AP3B2: variants seen among roughly 807,000 people sequenced by gnomAD.
AP3B2 encodes the protein adaptor related protein complex 3 subunit beta 2.
AP3B2 carries 50 observed loss-of-function variants against 126.9 expected under a neutral mutation model. The ratio of observed to expected loss-of-function variants is 0.39; its 90% CI spans 0.31 to 0.50. The LOEUF is 0.50. Among genes scored for constraint, AP3B2 ranks in the 20% least tolerant of loss-of-function variants. The pLI, the probability that AP3B2 is intolerant of heterozygous loss-of-function variation, is 0.79. For missense variants in AP3B2, 1,177 were observed against 1,426.4 expected, an observed-to-expected ratio of 0.83 and a Z score of 2.82; for synonymous variants, 541 against 565.0, an observed-to-expected ratio of 0.96 and a Z score of 0.60.
chr15:82,681,452 T>G lies in AP3B2; in HGVS notation c.489A>C (p.Lys163Asn), dbSNP rs1271617076. ...GTTTAGGGATGGCGTGGGCAGCTGTTTTCCGCACATAGGGTGACATGTCCG... is the reference window on the plus strand; with the variant it reads ...GTTTAGGGATGGCGTGGGCAGCTGTGTTCCGCACATAGGGTGACATGTCCG... Reference protein sequence around the residue: ...AASDMSPYVRKTAAHAIPKLY... With the variant: ...AASDMSPYVRNTAAHAIPKLY... The change falls in exon 5 of 27, where the codon AAA (lysine) becomes AAC (asparagine). Residue 163 changes from lysine (K) to asparagine (N), a missense_variant. Lys to Asn is a moderately conservative substitution (Grantham distance 94, BLOSUM62 0). Transcript: ENST00000535359. This position sits in a 1 kb window ranked among gnomAD's most constrained non-coding sequence, Gnocchi z 4.0. 1.2e-6 allele frequency: 2 copies of G among 1,613,772 alleles called. No individual in the cohort carries two copies.
At chr15:82,699,233 C>A (rs957618934) in intron 1 of AP3B2, 9 of 157,652 alleles carry the variant, frequency 5.7e-5, no homozygotes, top group Non-Finnish European at 9.7e-5. Flanking sequence ...ATATACACCT[C>A]GCTGTCACCT....
At chr15:82,689,102 T>G in intron 3 of AP3B2, 56 bp downstream of exon 3, 14 of 1,585,176 alleles carry the variant, frequency 8.8e-6, no homozygotes, top group East Asian at 2.2e-5. Context: ...ACCCCAAGCT[T>G]GAGTGTGGTC....
chr15:82,697,941 G>C (rs924928343), intron 1 of AP3B2: 6 of 152,504 alleles, frequency 3.9e-5, no homozygotes, highest in Non-Finnish European at 8.8e-5. Flanking sequence ...CATAGGTACA[G>C]ACCATTGAGC....
intron 1 of AP3B2, among the ~76,000 whole-genome samples, chr15:82,706,665 C>A (rs951777890): frequency 6.6e-6 from 1 of 152,182 alleles, no homozygotes; most frequent in South Asian, 2.1e-4. Flanking sequence ...TCTTCCCACA[C>A]AAGGCAAATG....
rs1466301551 is a variant in AP3B2 at position 82,680,138 on chromosome 15, C to A, written c.1110+37G>T. On this transcript the variant is annotated intron_variant, in intron 9 of 26. Coordinates refer to ENST00000535359, the MANE Select transcript of AP3B2 (RefSeq NM_001278512.2). This position sits in a 1 kb window ranked among gnomAD's most constrained non-coding sequence, Gnocchi z 6.1. ...GCCTCCAGTGCCCGCAGAAGCGGCCCTCGGACAGCGAGGACAGCCCGCCGT... is the reference window on the plus strand; with the variant it reads ...GCCTCCAGTGCCCGCAGAAGCGGCCATCGGACAGCGAGGACAGCCCGCCGT... 8 of 1,611,852 alleles carry A rather than the reference C, an allele frequency of 5.0e-6. No homozygotes were observed. The highest frequency in any genetic ancestry group is 1.3e-5 in the African/African-American group (1 of 74,922).
chr15:82,684,692 T>A (rs570252429), intron 4 of AP3B2, among the ~76,000 whole-genome samples: 11 of 152,304 alleles, frequency 7.2e-5, no homozygotes, highest in African/African-American at 1.7e-4. Flanking sequence ...CTTAAAAAAA[T>A]TTTTTATAGA....
Position 82,680,862 on chromosome 15 carries a change from G to C in AP3B2, c.746C>G (p.Thr249Arg), listed in dbSNP as rs1473454723. Residue 249 changes from threonine (T) to arginine (R), a missense_variant, in exon 7 of 27, where the codon ACG becomes AGG. Thr to Arg is a moderately conservative substitution (Grantham distance 71, BLOSUM62 -1). Around this residue, in one of 5 missense-constraint regions of AP3B2, gnomAD observed 103 missense variants for 101.4 expected, o/e 1.02. Coordinates refer to ENST00000535359, the MANE Select transcript of AP3B2 (RefSeq NM_001278512.2). This position sits in a 1 kb window ranked among gnomAD's most constrained non-coding sequence, Gnocchi z 6.1. ...GTTCTGGGTGGGGCTCAGGAACTGC[G>C]TGCGGGCGTAGCGGGTGAGCATGCT... ...IISMLTRYAR[T>R]QFLSPTQNES... 2 of 1,613,828 alleles carry C rather than the reference G, an allele frequency of 1.2e-6. No individual in the cohort carries two copies. The highest frequency in any genetic ancestry group is 1.3e-5 in the African/African-American group (1 of 75,018).
chr15:82,701,315 TC>T (rs1394699377), intron 1 of AP3B2, among the ~76,000 whole-genome samples: 10 of 152,120 alleles, frequency 6.6e-5, no homozygotes, highest in Non-Finnish European at 1.2e-4. Flanking sequence ...TCAGCCTCTC[TC>T]CCACCAATCG....
At position 82,670,016 on chromosome 15, in the gene AP3B2, A is replaced by AC. The variant is rs543471388; in HGVS notation, c.1666-3084_1666-3083insG. 4.3e-3 allele frequency among the ~76,000 whole-genome samples: 620 copies of AC among 145,088 alleles called. 5 individuals are homozygous for AC. The highest frequency in any genetic ancestry group is 6.9e-3 in the Non-Finnish European group (455 of 66,140). On this transcript the variant is annotated intron_variant, in intron 14 of 26. Coordinates refer to ENST00000535359, the MANE Select transcript of AP3B2 (RefSeq NM_001278512.2). ...AGAACTCCATCTCAAAAAAAAAAAA[A>AC]AAAAAAAACCCATTGCACTCCAGCC... is the stretch of plus-strand genomic sequence containing the variant.
In AP3B2 at chr15:82,680,087, C is replaced by T; in HGVS notation, c.1110+88G>A. 8.4e-6 allele frequency: 13 copies of T among 1,555,378 alleles called. No homozygotes were observed. Among genetic ancestry groups the T allele is most frequent in the Non-Finnish European group, 1.1e-5 (13 of 1,142,472 alleles). ...GGGTATTCCTCCATCTTCCCTTTCC[C>T]CGGCCCCGGTCCCAGCCCCGACAAC... On this transcript the variant is annotated intron_variant, in intron 9 of 26. Coordinates refer to ENST00000535359, the MANE Select transcript of AP3B2 (RefSeq NM_001278512.2). The surrounding 1 kb of genome is among the most constrained non-coding windows in gnomAD (Gnocchi z 6.1).
chr15:82,663,377 C>A, intron 21 of AP3B2, 144 bp from the exon 22 acceptor site: 1 of 974,534 alleles, frequency 1.0e-6, no homozygotes, highest in Non-Finnish European at 1.6e-6. Flanking sequence ...AATACCCATT[C>A]CTAGACCTCA....
chr15:82,697,627 G>T (rs549538092), intron 1 of AP3B2, among the ~76,000 whole-genome samples: 5 of 152,200 alleles, frequency 3.3e-5, no homozygotes, highest in Admixed American at 6.5e-5. Flanking sequence ...TCCCAAGAAT[G>T]TTAGAAACTG....
At chr15:82,675,740 T>C (rs1303630401) in intron 14 of AP3B2, among the ~76,000 whole-genome samples, 1 of 152,220 alleles carries the variant, frequency 6.6e-6, no homozygotes, top group Non-Finnish European at 1.5e-5. Flanking sequence ...AAAACAGGAA[T>C]AGGCCAAATT....
intron 1 of AP3B2, chr15:82,692,160 TA>T: frequency 6.7e-7 from 1 of 1,483,958 alleles, no homozygotes. Flanking sequence ...GCCATAATCA[TA>T]ACTATTTCTT....
chr15:82,672,874 G>A (rs1408083924), intron 14 of AP3B2, among the ~76,000 whole-genome samples: 1 of 152,166 alleles, frequency 6.6e-6, no homozygotes, highest in Non-Finnish European at 1.5e-5. Context: ...AGCTAAGGAC[G>A]GCCTCTAGAA....
At chr15:82,697,453 T>C (rs922108216) in intron 1 of AP3B2, among the ~76,000 whole-genome samples, 1 of 152,168 alleles carries the variant, frequency 6.6e-6, no homozygotes, top group Non-Finnish European at 1.5e-5. Context: ...AAGAGCATGA[T>C]AACAATCATA....
At chr15:82,673,593 A>C (rs2048193822) in intron 14 of AP3B2, among the ~76,000 whole-genome samples, 2 of 152,220 alleles carry the variant, frequency 1.3e-5, no homozygotes, top group East Asian at 1.9e-4. Context: ...CATTGAAAAG[A>C]AGCAGAAAAG....
At position 82,659,833 on chromosome 15, in the gene AP3B2, G is replaced by T. The variant is rs1482545694; in HGVS notation, c.3155+12C>A. The T allele has an allele frequency of 1.2e-6, 2 of 1,613,266 alleles. No individual in the cohort carries two copies. Among genetic ancestry groups the T allele is most frequent in the Admixed American group, 3.3e-5 (2 of 59,986 alleles). ...CATGCTCATCATTTCCCCTCTACTGGTGGCCTAGTACCTGTACTCATCAGA... is the reference window on the plus strand; with the variant it reads ...CATGCTCATCATTTCCCCTCTACTGTTGGCCTAGTACCTGTACTCATCAGA... On this transcript the variant is annotated intron_variant, in intron 26 of 26. Transcript: ENST00000535359.
chr15:82,681,252 C>A lies in AP3B2; in HGVS notation c.522-74G>T. The A allele has an allele frequency of 6.5e-7, 1 of 1,538,224 alleles. No individual in the cohort carries two copies. The highest frequency in any genetic ancestry group is 1.2e-5 in the South Asian group (1 of 84,314). On this transcript the variant is annotated intron_variant, in intron 5 of 26. Transcript: ENST00000535359. The surrounding 1 kb of genome is among the most constrained non-coding windows in gnomAD (Gnocchi z 4.0). ...TCCCAATATCTGTCCAAGCCATGCT[C>A]ACCTCCTGCACCCCAGCCTTATTGT...
Sources: gnomAD v4.1 joint callset for allele counts (sites outside exome capture counted in the v4.1 genomes callset) on GRCh38, gnomAD v4.1.1 for gene constraint, gnomAD v4.1.1 regional missense constraint, Gnocchi (gnomAD v3.1) non-coding constraint, MANE v1.5 for transcripts, NCBI Gene and HGNC (gene_info 2026-07-23, HGNC 2026-07-21) for gene names.